ESYT1: variants seen among roughly 807,000 people sequenced by gnomAD.
ESYT1 encodes the protein extended synaptotagmin 1, also known as extended synaptotagmin-1.
Under a neutral mutation model 154.2 loss-of-function variants are expected in ESYT1, and 116 were observed. That is an observed-to-expected ratio of 0.75 (90% CI 0.65 to 0.88). The LOEUF is 0.88. ESYT1 is among the 40% of genes least tolerant of loss of function. ESYT1 has a pLI of 0.00. For missense variants in ESYT1, 1,264 were observed against 1,379.3 expected, an observed-to-expected ratio of 0.92 and a Z score of 1.32; for synonymous variants, 500 against 539.9, an observed-to-expected ratio of 0.93 and a Z score of 1.02.
rs753719258 is a variant in ESYT1 at position 56,131,100 on chromosome 12, G to T, written c.628G>T (p.Asp210Tyr). Residue 210 changes from aspartate to tyrosine, a missense_variant, in exon 4 of 31, where the codon GAC becomes TAC. By Grantham distance (160) the Asp-to-Tyr change is radical. Transcript: ENST00000394048. Reference protein sequence around the residue: ...PGQRKEQILLDLNISYVGDVQ... With the variant: ...PGQRKEQILLYLNISYVGDVQ... ...TCAGAGAAAAGAGCAGATCCTGCTG[G>T]ACTTGAACATCAGGTAATACCACTC... 1.2e-6 allele frequency: 2 copies of T among 1,614,126 alleles called. No individual in the cohort carries two copies. The highest frequency in any genetic ancestry group is 2.2e-5 in the South Asian group (2 of 91,074).
chr12:56,131,298 A>G lies in ESYT1; in HGVS notation c.696A>G (p.Ala232=). 3.1e-6 allele frequency: 5 copies of G among 1,614,192 alleles called. No individual in the cohort carries two copies. The highest frequency in any genetic ancestry group is 4.2e-6 in the Non-Finnish European group (5 of 1,180,040). The stretch of plus-strand genomic sequence containing the variant: ...AAGTGAAGAAATATTTTTGCAAAGC[A>G]GGAGTCAAGGGCATGCAGGTAGGCC... ...DVEVKKYFCK[A]GVKGMQLHGV... Residue 232 remains alanine, a synonymous_variant, in exon 5 of 31, where the codon GCA becomes GCG. Coordinates refer to ENST00000394048, the MANE Select transcript of ESYT1 (RefSeq NM_015292.3).
chr12:56,132,781 T>TAAAGATGACTTTCTGGGCAGGTGAGACTC lies in ESYT1; in HGVS notation c.1225_1244+9dup. On this transcript the variant is annotated stop_gained and frameshift_variant, in exon 10 of 31. Transcript: ENST00000394048. LOFTEE classifies it high-confidence loss of function. ...TGGAGGTGTTCGACAAGGATCCAGA[T>TAAAGATGACTTTCTGGGCAGGTGAGACTC]AAAGATGACTTTCTGGGCAGGTGAG... 6.2e-7 allele frequency: 1 copy of TAAAGATGACTTTCTGGGCAGGTGAGACTC among 1,614,122 alleles called. No homozygotes were observed.
At position 56,144,224 on chromosome 12, in the gene ESYT1, T is replaced by C. The variant is rs1870831684; in HGVS notation, c.*362T>C. ...TATGCCAAATACAGCTTTGGAAGGA[T>C]CTTTTTTTCTTTAACTAGATGGTCA... is the stretch of plus-strand genomic sequence containing the variant. On this transcript the variant is annotated 3_prime_UTR_variant, in exon 31 of 31. Transcript: ENST00000394048. 3.0e-5 allele frequency: 34 copies of C among 1,126,772 alleles called. No homozygotes were observed. Among genetic ancestry groups the C allele is most frequent in the Non-Finnish European group, 3.7e-5 (34 of 916,730 alleles). The allele number at this position is 1,126,772 out of a possible 1,614,324, so 69.8% of individuals were successfully genotyped here.
In ESYT1 at chr12:56,131,543, T is replaced by A. The variant is rs759742950; in HGVS notation, c.781T>A (p.Ser261Thr). Reference protein sequence around the residue: ...IGDLPFVGAVSMFFIRRPTLD... With the variant: ...IGDLPFVGAVTMFFIRRPTLD... Reference sequence around the variant, plus strand: ...GGACCTTCCCTTCGTGGGGGCTGTGTCAATGTTCTTCATCCGACGCCCGGT... The same window carrying A: ...GGACCTTCCCTTCGTGGGGGCTGTGACAATGTTCTTCATCCGACGCCCGGT... The change falls in exon 6 of 31, where the codon TCA becomes ACA. Residue 261 changes from serine to threonine, a missense_variant. Coordinates refer to ENST00000394048, the MANE Select transcript of ESYT1 (RefSeq NM_015292.3). The A allele has an allele frequency of 5.0e-6, 8 of 1,613,940 alleles. No individual in the cohort carries two copies. Among genetic ancestry groups the A allele is most frequent in the Middle Eastern group, 3.3e-4 (2 of 6,052 alleles).
intron 24 of ESYT1, 118 bp downstream of exon 24, chr12:56,139,131 C>G: frequency 1.4e-6 from 1 of 717,400 alleles, no homozygotes; most frequent in Non-Finnish European, 2.3e-6. Flanking sequence ...TTTTTTGAGA[C>G]AGAGTCTTGC....
At position 56,142,922 on chromosome 12, in the gene ESYT1, T is replaced by C. The variant is rs1213144954; in HGVS notation, c.2976T>C (p.Val992=). ...AAGAACGAAAGCTGGTCAGCATTGTTCATGGTTGCCGGTGAGACCCCATCC... is the reference window on the plus strand; with the variant it reads ...AAGAACGAAAGCTGGTCAGCATTGTCCATGGTTGCCGGTGAGACCCCATCC... ...YSEERKLVSI[V]HGCRSLRQNG... is the part of the protein sequence containing the mutation. The change falls in exon 27 of 31, where the codon GTT becomes GTC. Residue 992 remains valine (V), a synonymous_variant. Coordinates refer to ENST00000394048, the MANE Select transcript of ESYT1 (RefSeq NM_015292.3). This position sits in a 1 kb window ranked among gnomAD's most constrained non-coding sequence, Gnocchi z 4.1. 3.7e-6 allele frequency: 6 copies of C among 1,614,154 alleles called. No homozygotes were observed. Among genetic ancestry groups the C allele is most frequent in the Non-Finnish European group, 5.1e-6 (6 of 1,180,026 alleles).
Position 56,132,407 on chromosome 12 carries a change from A to C in ESYT1, c.985-14A>C. ...TGGGTCCTTAGTTTCTCACCATCTG[A>C]TTCCTTCCTCCAGGGCATTATTCGA... On this transcript the variant is annotated splice_polypyrimidine_tract_variant and intron_variant, in intron 8 of 30. Transcript: ENST00000394048. 1 of 1,613,850 alleles carries C rather than the reference A, an allele frequency of 6.2e-7. No individual in the cohort carries two copies.
intron 15 of ESYT1, among the ~76,000 whole-genome samples, chr12:56,135,494 C>A (rs1415480105): frequency 6.6e-6 from 1 of 151,844 alleles, no homozygotes; most frequent in Non-Finnish European, 1.5e-5. Flanking sequence ...TTTTAAAGGT[C>A]ATAGAAAAAG....
At chr12:56,141,556 C>G (rs184260391) in intron 24 of ESYT1, among the ~76,000 whole-genome samples, 1 of 152,076 alleles carries the variant, frequency 6.6e-6, no homozygotes, top group Admixed American at 6.5e-5. Flanking sequence ...CTGGCTAACA[C>G]GGTGAAACCC....
At chr12:56,132,112 C>T in intron 7 of ESYT1, 97 bp from the exon 8 acceptor site, 4 of 1,574,780 alleles carry the variant, frequency 2.5e-6, no homozygotes, top group East Asian at 4.5e-5. Context: ...GACTTTCTTA[C>T]AGCTTTAGGT....
At position 56,143,818 on chromosome 12, in the gene ESYT1, C is replaced by T. The variant is rs754893944; in HGVS notation, c.3276-5C>T. 1.2e-6 allele frequency: 2 copies of T among 1,614,078 alleles called. No homozygotes were observed. The highest frequency in any genetic ancestry group is 2.2e-5 in the East Asian group (1 of 44,878). ...CATCTTTCTACATGAGCCCTCTTTTCACAGGTATGACCTGATGGACAACAA... is the reference window on the plus strand; with the variant it reads ...CATCTTTCTACATGAGCCCTCTTTTTACAGGTATGACCTGATGGACAACAA... On this transcript the variant is annotated splice_region_variant and splice_polypyrimidine_tract_variant and intron_variant, in intron 30 of 30. Transcript: ENST00000394048.
At chr12:56,130,287 G>T (rs891616786) in intron 1 of ESYT1, 2 of 493,968 alleles carry the variant, frequency 4.0e-6, no homozygotes, top group East Asian at 6.7e-5. Flanking sequence ...GAAAGAATGC[G>T]CCCTTCTCCT....
At position 56,143,310 on chromosome 12, in the gene ESYT1, A is replaced by G; in HGVS notation, c.3202A>G (p.Arg1068Gly). The G allele has an allele frequency of 6.2e-7, 1 of 1,614,120 alleles. No homozygotes were observed. Among genetic ancestry groups the G allele is most frequent in the Non-Finnish European group, 8.5e-7 (1 of 1,180,028 alleles). ...CAAGTCTAATTCCTCCTTCATGTCA[A>G]GAGAGCGTGAGCTGCTGGGGAAGGT... ...SVKSNSSFMSRERELLGKVQL... is the reference protein window; with the variant it reads ...SVKSNSSFMSGERELLGKVQL... The change falls in exon 29 of 31, where the codon AGA (arginine) becomes GGA (glycine). Residue 1068 changes from arginine (R) to glycine (G), a missense_variant. Arg to Gly is a moderately radical substitution (Grantham distance 125, BLOSUM62 -2). Coordinates refer to ENST00000394048, the MANE Select transcript of ESYT1 (RefSeq NM_015292.3).
chr12:56,133,975 G>C, intron 13 of ESYT1, 102 bp downstream of exon 13: 1 of 1,525,636 alleles, frequency 6.6e-7, no homozygotes. Flanking sequence ...AGAAGTATCA[G>C]CATGTAACAT....
chr12:56,143,207 T>C (rs1270277271), intron 28 of ESYT1, 21 bp from the exon 29 acceptor site: 2 of 1,613,988 alleles, frequency 1.2e-6, no homozygotes, highest in Non-Finnish European at 1.7e-6. Flanking sequence ...TCCTGGCCCC[T>C]AACATCCAGT....
chr12:56,132,101 G>C, intron 7 of ESYT1, 108 bp from the exon 8 acceptor site: 1 of 1,541,552 alleles, frequency 6.5e-7, no homozygotes, highest in Non-Finnish European at 8.9e-7. Flanking sequence ...TTTCACAAAA[G>C]GACTTTCTTA....
chr12:56,132,914 A>G lies in ESYT1; in HGVS notation c.1244+113A>G. ...GGCGGGCGGATCACGAGGTCAGGAG[A>G]TTGAGACCATCCTGGCTAACACGGT... On this transcript the variant is annotated intron_variant, in intron 10 of 30. Coordinates refer to ENST00000394048, the MANE Select transcript of ESYT1 (RefSeq NM_015292.3). The G allele has an allele frequency of 1.1e-5, 9 of 833,410 alleles. No individual in the cohort carries two copies. In the South Asian group the frequency reaches 1.2e-4, roughly 11 times the overall value. The allele number at this position is 833,410 out of a possible 1,614,324, so 51.6% of individuals were successfully genotyped here.
rs372706252 is a variant in ESYT1 at position 56,128,726 on chromosome 12, G to A, written c.390+17G>A. The A allele has an allele frequency of 1.2e-6, 2 of 1,612,178 alleles. No homozygotes were observed. The highest frequency in any genetic ancestry group is 1.7e-6 in the Non-Finnish European group (2 of 1,179,980). On this transcript the variant is annotated intron_variant, in intron 1 of 30. Coordinates refer to ENST00000394048, the MANE Select transcript of ESYT1 (RefSeq NM_015292.3). ...CCTGCCTGGGTGAGCGACCACCCTC[G>A]GTCCTCTGTGCAGCATAGCCCCCTT...
intron 1 of ESYT1, among the ~76,000 whole-genome samples, chr12:56,129,772 C>A (rs1242918884): frequency 2.0e-5 from 3 of 152,152 alleles, no homozygotes; most frequent in Non-Finnish European, 4.4e-5. Context: ...GAGGAAAACA[C>A]ACACACACAC....
Sources: gnomAD v4.1 joint callset for allele counts (sites outside exome capture counted in the v4.1 genomes callset) on GRCh38, gnomAD v4.1.1 for gene constraint, Gnocchi (gnomAD v3.1) non-coding constraint, MANE v1.5 for transcripts, NCBI Gene and HGNC (gene_info 2026-07-23, HGNC 2026-07-21) for gene names.